Variants in UPF2 observed in about 807,000 individuals in gnomAD.
The protein encoded by UPF2 is UPF2 regulator of nonsense mediated mRNA decay, also known as regulator of nonsense transcripts 2.
A neutral mutation model predicts 141.4 loss-of-function variants in UPF2; 17 were observed. The observed-to-expected ratio is 0.12, with a 90% confidence interval of 0.08 to 0.18. The LOEUF (loss-of-function observed/expected upper bound fraction) is 0.18. UPF2 is among the 10% of genes least tolerant of loss of function. The pLI is 1.00. For missense variants in UPF2, 1,152 were observed against 1,515.9 expected (o/e 0.76, Z 3.99); for synonymous variants, 540 against 498.0 (o/e 1.08, Z -1.12).
chr10:12,004,454 A>T (rs900573766), intron 5 of UPF2, 76 bp downstream of exon 5: 16 of 1,050,916 alleles, frequency 1.5e-5, no homozygotes, highest in Non-Finnish European at 1.5e-5. Context: ...CAATATATAT[A>T]TTTTTTTTTT....
At chr10:12,039,826 G>A (rs1481105058) in intron 1 of UPF2, among the ~76,000 whole-genome samples, 1 of 151,804 alleles carries the variant, frequency 6.6e-6, no homozygotes, top group East Asian at 1.9e-4. Context: ...CTCCATGTTG[G>A]TCAGGCTGGT....
chr10:11,935,240 C>T lies in UPF2; in HGVS notation c.3546+1305G>A, dbSNP rs933994293. Among the ~76,000 whole-genome samples, 3 of 152,108 alleles carry T rather than the reference C, an allele frequency of 2.0e-5. No individual in the cohort carries two copies. The highest frequency in any genetic ancestry group is 1.9e-4 in the East Asian group (1 of 5,190). ...TTATCCTCCTTGGTAGCCATCCCAA[C>T]GTGACTTGGTGTATTTCTCATATGC... On this transcript the variant is annotated intron_variant, in intron 19 of 21. Transcript: ENST00000357604. This position sits in a 1 kb window ranked among gnomAD's most constrained non-coding sequence, Gnocchi z 4.9.
chr10:11,966,474 G>T (rs903516369), intron 10 of UPF2, among the ~76,000 whole-genome samples: 3 of 151,996 alleles, frequency 2.0e-5, no homozygotes, highest in Middle Eastern at 3.2e-3. Flanking sequence ...ACCCAGACTG[G>T]AGTGCAATGG....
rs78834556 is a variant in UPF2 at position 11,926,652 on chromosome 10, C to A, written c.3809+3213G>T. Among the ~76,000 whole-genome samples, 1,035 of 152,266 alleles carry A rather than the reference C, an allele frequency of 6.8e-3. 13 individuals carry two copies. Among genetic ancestry groups the A allele is most frequent in the African/African-American group, 0.023 (975 of 41,544 alleles). On this transcript the variant is annotated intron_variant, in intron 21 of 21. Transcript: ENST00000357604. ...GCCAAGAGATGGCAGGTGGGGATGCCAGTGATGGCAGAAGCTGCCTAGACC... is the reference window on the plus strand; with the variant it reads ...GCCAAGAGATGGCAGGTGGGGATGCAAGTGATGGCAGAAGCTGCCTAGACC...
chr10:12,028,039 C>T (rs765278764), intron 3 of UPF2, among the ~76,000 whole-genome samples: 1 of 152,198 alleles, frequency 6.6e-6, no homozygotes, highest in Non-Finnish European at 1.5e-5. Flanking sequence ...TGCCTAGCAA[C>T]TCCATCAACT....
chr10:11,967,571 G>C, intron 9 of UPF2, 117 bp from the exon 10 acceptor site: 1 of 493,926 alleles, frequency 2.0e-6, no homozygotes, highest in Non-Finnish European at 3.2e-6. Context: ...TTTTTTTTGA[G>C]ACAGAGTTTC....
At chr10:11,995,989 TC>T (rs937470556) in intron 8 of UPF2, among the ~76,000 whole-genome samples, 3 of 152,098 alleles carry the variant, frequency 2.0e-5, no homozygotes, top group African/African-American at 7.2e-5. Context: ...ATCAGTCAGT[TC>T]CACTTGGCTC....
intron 7 of UPF2, among the ~76,000 whole-genome samples, chr10:11,999,425 A>G (rs925348318): frequency 2.7e-5 from 4 of 147,272 alleles, no homozygotes; most frequent in Non-Finnish European, 6.0e-5. Context: ...AGGCAGGAGA[A>G]TTGCTTGAAC....
chr10:11,944,712 T>C (rs753224003), intron 16 of UPF2, among the ~76,000 whole-genome samples: 10 of 152,182 alleles, frequency 6.6e-5, no homozygotes, highest in African/African-American at 1.9e-4. Context: ...ATCCTTTACG[T>C]TTCATATTAC....
intron 8 of UPF2, among the ~76,000 whole-genome samples, chr10:11,981,510 G>A (rs1435382030): frequency 6.6e-6 from 1 of 152,036 alleles, no homozygotes. Context: ...AAGAAACAGC[G>A]AAAACTACAA....
At chr10:11,977,176 C>A (rs1279972126) in intron 9 of UPF2, among the ~76,000 whole-genome samples, 1 of 152,024 alleles carries the variant, frequency 6.6e-6, no homozygotes, top group Non-Finnish European at 1.5e-5. Flanking sequence ...TAAAACACTT[C>A]AATAAGAAGG....
chr10:11,984,342 G>C (rs929903548), intron 8 of UPF2, among the ~76,000 whole-genome samples: 1 of 152,058 alleles, frequency 6.6e-6, no homozygotes, highest in Non-Finnish European at 1.5e-5. Flanking sequence ...TTTTCAAGTG[G>C]TTTTAAAATA....
In UPF2 at chr10:11,956,679, ACTTT is replaced by A. The variant is rs1279365466; in HGVS notation, c.2371-160_2371-157del. ...CCTCTTCAGAAATAGAAAAACTGAG[ACTTT>A]CTAATTACAATAAAATGTATTATCA... On this transcript the variant is annotated intron_variant, in intron 12 of 21. Transcript: ENST00000357604. This position sits in a 1 kb window ranked among gnomAD's most constrained non-coding sequence, Gnocchi z 4.2. 1.3e-5 allele frequency among the ~76,000 whole-genome samples: 2 copies of A among 152,178 alleles called. No individual in the cohort carries two copies. The highest frequency in any genetic ancestry group is 2.9e-5 in the Non-Finnish European group (2 of 68,026).
chr10:12,010,266 A>G (rs60307855), intron 4 of UPF2, among the ~76,000 whole-genome samples: 330 of 152,332 alleles, frequency 2.2e-3, no homozygotes, highest in African/African-American at 7.6e-3. Flanking sequence ...AAATGACCAG[A>G]CATGCAAAGG....
At chr10:11,968,439 T>C (rs371175632) in intron 9 of UPF2, among the ~76,000 whole-genome samples, 1 of 152,196 alleles carries the variant, frequency 6.6e-6, no homozygotes, top group African/African-American at 2.4e-5. Context: ...AAATTAATAC[T>C]ATAAGGAACA....
At chr10:12,027,563 T>C (rs7079622) in intron 3 of UPF2, among the ~76,000 whole-genome samples, 58,444 of 152,108 alleles carry the variant, frequency 0.38, 13,604 homozygotes, top group Non-Finnish European at 0.51. Context: ...AAGTACACTC[T>C]CAGGTTGCCT....
intron 8 of UPF2, among the ~76,000 whole-genome samples, chr10:11,981,342 A>G (rs1040204292): frequency 6.6e-6 from 1 of 152,210 alleles, no homozygotes; most frequent in Admixed American, 6.5e-5. Flanking sequence ...CCTCTTACAT[A>G]TATAACTCAA....
chr10:11,975,174 T>A (rs1243420293), intron 9 of UPF2, among the ~76,000 whole-genome samples: 1 of 152,100 alleles, frequency 6.6e-6, no homozygotes, highest in South Asian at 2.1e-4. Flanking sequence ...AACAGGAGGA[T>A]TGCGTGAGTC....
chr10:12,038,065 A>G (rs1834664328), intron 1 of UPF2, among the ~76,000 whole-genome samples: 1 of 152,134 alleles, frequency 6.6e-6, no homozygotes, highest in Non-Finnish European at 1.5e-5. Flanking sequence ...CAACAACAAA[A>G]AAGCTATTGG....
Sources: gnomAD v4.1 joint callset for allele counts (sites outside exome capture counted in the v4.1 genomes callset) on GRCh38, gnomAD v4.1.1 for gene constraint, Gnocchi (gnomAD v3.1) non-coding constraint, MANE v1.5 for transcripts, NCBI Gene and HGNC (gene_info 2026-07-23, HGNC 2026-07-21) for gene names.